Variants in UBAP2 observed in about 807,000 individuals in gnomAD.
UBAP2 encodes the protein ubiquitin associated protein 2, also known as ubiquitin-associated protein 2.
Under a neutral mutation model 139.6 loss-of-function variants are expected in UBAP2, and 75 were observed. That is an observed-to-expected ratio of 0.54 (90% CI 0.45 to 0.65). The LOEUF is 0.65. Among genes scored for constraint, UBAP2 ranks in the 30% least tolerant of loss-of-function variants. The probability of loss-of-function intolerance (pLI) is 0.00; values close to 1 mark genes in which losing one functional copy is unlikely to be tolerated. For synonymous variants in UBAP2, 526 were observed against 526.2 expected, an observed-to-expected ratio of 1.00 and a Z score of 0.01; for missense variants, 1,368 against 1,369.6, an observed-to-expected ratio of 1.00 and a Z score of 0.02.
chr9:33,958,875 G>A (rs973408427), intron 10 of UBAP2, among the ~76,000 whole-genome samples: 3 of 151,836 alleles, frequency 2.0e-5, no homozygotes, highest in South Asian at 2.1e-4. Context: ...AAGGCCGGGC[G>A]CAGTGGCTCA....
At chr9:34,001,965 T>TA (rs201917526) in intron 2 of UBAP2, among the ~76,000 whole-genome samples, 1,778 of 142,440 alleles carry the variant, frequency 0.012, 19 homozygotes, top group East Asian at 0.077. Flanking sequence ...ATTTTTTCAT[T>TA]AAAAAAAAAA....
At position 33,996,241 on chromosome 9, in the gene UBAP2, C is replaced by A; in HGVS notation, c.270G>T (p.Leu90=). ...TACTTACTGTGTCTGAATTCCCTTC[C>A]AGCAATATATTGATAGCTTTGTTCA... is the stretch of plus-strand genomic sequence containing the variant. ...GDVNKAINIL[L]EGNSDTTSWE... The change falls in exon 4 of 29, where the codon CTG becomes CTT. Residue 90 remains leucine, a synonymous_variant. Transcript: ENST00000379238. 1 of 1,611,426 alleles carries A rather than the reference C, an allele frequency of 6.2e-7. No individual in the cohort carries two copies. Among genetic ancestry groups the A allele is most frequent in the Non-Finnish European group, 8.5e-7 (1 of 1,178,320 alleles).
At chr9:34,030,690 G>A (rs563141799) in intron 1 of UBAP2, among the ~76,000 whole-genome samples, 15 of 152,318 alleles carry the variant, frequency 9.8e-5, no homozygotes, top group Non-Finnish European at 1.9e-4. Context: ...ACTTTGGGAG[G>A]CCCGGGCGCA....
At chr9:33,975,160 G>C (rs1828211252) in intron 6 of UBAP2, among the ~76,000 whole-genome samples, 1 of 152,036 alleles carries the variant, frequency 6.6e-6, no homozygotes, top group Non-Finnish European at 1.5e-5. Flanking sequence ...GGCCGGGCGT[G>C]GTGGCTCACG....
At chr9:33,955,985 TAGAAAG>T (rs2130987918) in intron 11 of UBAP2, 88 bp downstream of exon 11, 1 of 974,416 alleles carries the variant, frequency 1.0e-6, no homozygotes, top group East Asian at 2.5e-5. Flanking sequence ...AGGGAAAAAA[TAGAAAG>T]AGACCCAAAA....
intron 19 of UBAP2, chr9:33,928,815 G>T (rs934938660): frequency 6.6e-6 from 1 of 152,362 alleles, no homozygotes; most frequent in African/African-American, 2.4e-5. Flanking sequence ...TCCAAACCAG[G>T]ACATAGAAAG....
intron 1 of UBAP2, among the ~76,000 whole-genome samples, chr9:34,038,366 T>C (rs912368388): frequency 6.6e-6 from 1 of 152,188 alleles, no homozygotes; most frequent in Non-Finnish European, 1.5e-5. Flanking sequence ...CCATCTCGGC[T>C]CACTGCAACC....
Position 33,976,037 on chromosome 9 carries a change from G to A in UBAP2, c.521-2800C>T, listed in dbSNP as rs570166526. On this transcript the variant is annotated intron_variant, in intron 6 of 28. Coordinates refer to ENST00000379238, the MANE Select transcript of UBAP2 (RefSeq NM_001370062.2). ...TCAAAACCAGCCTGGGCAACAAAGC[G>A]AGATGCCACCTCTACAATAAATTTT... 7.9e-5 allele frequency among the ~76,000 whole-genome samples: 12 copies of A among 152,240 alleles called. No individual in the cohort carries two copies. The East Asian group carries it at 2.3e-3, about 29-fold the overall frequency.
chr9:34,019,840 T>C (rs769674199), intron 1 of UBAP2, among the ~76,000 whole-genome samples: 2 of 151,708 alleles, frequency 1.3e-5, no homozygotes, highest in Admixed American at 6.6e-5. Flanking sequence ...ATTCCACTCT[T>C]ACGAAGCTCC....
chr9:33,994,325 G>A (rs1416247204), intron 4 of UBAP2, among the ~76,000 whole-genome samples: 1 of 152,042 alleles, frequency 6.6e-6, no homozygotes, highest in Non-Finnish European at 1.5e-5. Context: ...CAAACTACCA[G>A]AGAAAAGGAA....
intron 4 of UBAP2, among the ~76,000 whole-genome samples, chr9:33,992,413 A>T (rs1326380155): frequency 8.5e-5 from 10 of 117,756 alleles, no homozygotes; most frequent in Non-Finnish European, 1.6e-4. Flanking sequence ...AAAAAAAATT[A>T]GCCAGGCGTG....
rs780479195 is a variant in UBAP2, at chr9:33,989,137, G to A, written c.289-11C>T. On this transcript the variant is annotated splice_polypyrimidine_tract_variant and intron_variant, in intron 4 of 28. Transcript: ENST00000379238. ...AGTCTCCCATGAAGTCTATCAGAGA[G>A]AACGGCTGTTAATCATTTATCATTC... 1.9e-6 allele frequency: 3 copies of A among 1,591,744 alleles called. No homozygotes were observed. Among genetic ancestry groups the A allele is most frequent in the Non-Finnish European group, 2.6e-6 (3 of 1,172,932 alleles).
At chr9:33,931,458 C>A (rs1473025869) in intron 19 of UBAP2, among the ~76,000 whole-genome samples, 2 of 152,102 alleles carry the variant, frequency 1.3e-5, no homozygotes, top group Non-Finnish European at 2.9e-5. Flanking sequence ...TGCAGGAGCA[C>A]TGGGCTCCCA....
At chr9:33,968,446 C>G (rs1472687580) in intron 8 of UBAP2, 1 of 558,104 alleles carries the variant, frequency 1.8e-6, no homozygotes, top group Non-Finnish European at 3.6e-6. Context: ...AGGGCATGTG[C>G]AGCCTGGTCG....
At chr9:34,012,463 G>A (rs188633236) in intron 2 of UBAP2, among the ~76,000 whole-genome samples, 10 of 151,480 alleles carry the variant, frequency 6.6e-5, no homozygotes, top group South Asian at 2.1e-4. Flanking sequence ...CCCAGGAGGC[G>A]GAGGTTGCAG....
chr9:33,922,983 C>G lies in UBAP2; in HGVS notation c.3055G>C (p.Val1019Leu). Reference protein sequence around the residue: ...TTGLPDMTGSVYNKTQTFDKQ... With the variant: ...TTGLPDMTGSLYNKTQTFDKQ... ...TCCCTCACCTGTGTCTTATTGTAGA[C>G]AGAACCAGTCATATCAGGTAGACCA... Residue 1019 changes from valine (V) to leucine (L), a missense_variant, in exon 27 of 29, where the codon GTC (valine) becomes CTC (leucine). Coordinates refer to ENST00000379238, the MANE Select transcript of UBAP2 (RefSeq NM_001370062.2). The G allele has an allele frequency of 6.2e-7, 1 of 1,614,160 alleles. No individual in the cohort carries two copies. The highest frequency in any genetic ancestry group is 8.5e-7 in the Non-Finnish European group (1 of 1,180,022).
intron 1 of UBAP2, among the ~76,000 whole-genome samples, chr9:34,048,348 G>A (rs908970701): frequency 2.0e-5 from 3 of 152,164 alleles, no homozygotes; most frequent in African/African-American, 7.2e-5. Context: ...TGTGACTCCG[G>A]GTAAGCCAGG....
chr9:34,041,548 T>G (rs549318060), intron 1 of UBAP2, among the ~76,000 whole-genome samples: 57 of 141,630 alleles, frequency 4.0e-4, no homozygotes, highest in African/African-American at 1.1e-3. Flanking sequence ...AATACAAAAA[T>G]TAGCTGAGCA....
intron 1 of UBAP2, among the ~76,000 whole-genome samples, chr9:34,040,231 G>A (rs12156619): frequency 1.3e-5 from 2 of 148,756 alleles, no homozygotes; most frequent in East Asian, 4.0e-4. Flanking sequence ...GGCTGGGGCA[G>A]AAGAATCCCT....
Sources: allele counts gnomAD v4.1 joint callset (sites outside exome capture counted in the v4.1 genomes callset), GRCh38; gene constraint gnomAD v4.1.1; transcripts MANE v1.5; gene names NCBI Gene and HGNC (gene_info 2026-07-23, HGNC 2026-07-21).